The following DTNA variants were observed in gnomAD, a reference collection of about 807,000 sequenced individuals.
The protein encoded by DTNA is dystrobrevin alpha, also known as dystrophin-related protein 3.
DTNA carries 43 observed loss-of-function variants against 100.7 expected under a neutral mutation model. The observed-to-expected ratio is 0.43, with a 90% CI of 0.33 to 0.55. The LOEUF is 0.55. Ranked by LOEUF, DTNA falls within the 20% of genes least tolerant of loss-of-function variation. DTNA has a pLI of 0.04. For missense variants in DTNA, 798 were observed against 953.9 expected, an observed-to-expected ratio of 0.84 and a Z score of 2.15; for synonymous variants, 349 against 347.9, an observed-to-expected ratio of 1.00 and a Z score of -0.04.
At chr18:34,629,106 T>C (rs933984035) in intron 1 of DTNA, among the ~76,000 whole-genome samples, 18 of 152,324 alleles carry the variant, frequency 1.2e-4, no homozygotes, top group South Asian at 6.2e-4. Context: ...AGAAGAATTC[T>C]CTGCTATGTT....
At chr18:34,870,911 C>A (rs887346351) in intron 17 of DTNA, among the ~76,000 whole-genome samples, 1 of 152,160 alleles carries the variant, frequency 6.6e-6, no homozygotes, top group Non-Finnish European at 1.5e-5. Context: ...CTCTCATGTA[C>A]CCCCACAACA....
chr18:34,859,661 C>T (rs2096594278), intron 16 of DTNA, among the ~76,000 whole-genome samples: 1 of 152,134 alleles, frequency 6.6e-6, no homozygotes, highest in Non-Finnish European at 1.5e-5. Flanking sequence ...TGTGGAAAGG[C>T]GAGGTTTTCC....
At chr18:34,581,300 G>T (rs1183685104) in intron 1 of DTNA, among the ~76,000 whole-genome samples, 1 of 150,840 alleles carries the variant, frequency 6.6e-6, no homozygotes, top group African/African-American at 2.5e-5. Context: ...AAGAAACTGT[G>T]TTAATACCTG....
intron 15 of DTNA, among the ~76,000 whole-genome samples, chr18:34,856,237 T>C (rs1786607): frequency 0.18 from 27,891 of 152,088 alleles, 3,461 homozygotes; most frequent in African/African-American, 0.36. Context: ...AGCAGCCTGG[T>C]TCTCTAGACA....
chr18:34,644,244 TA>T (rs2059596270), intron 1 of DTNA, among the ~76,000 whole-genome samples: 1 of 152,104 alleles, frequency 6.6e-6, no homozygotes, highest in Admixed American at 6.6e-5. Context: ...ATAAAGGAGA[TA>T]GCCAAAAAGC....
At chr18:34,693,768 G>A (rs1396076180) in intron 1 of DTNA, among the ~76,000 whole-genome samples, 2 of 151,688 alleles carry the variant, frequency 1.3e-5, no homozygotes, top group African/African-American at 4.8e-5. Context: ...GTGTGTGTGT[G>A]TGTGTGTGTG....
intron 1 of DTNA, among the ~76,000 whole-genome samples, chr18:34,508,804 T>A (rs545305349): frequency 6.6e-5 from 10 of 152,320 alleles, no homozygotes; most frequent in African/African-American, 2.4e-4. Context: ...CACATTTTAC[T>A]GTGTATAATT....
chr18:34,524,753 A>T (rs953570354), intron 1 of DTNA, among the ~76,000 whole-genome samples: 6 of 151,514 alleles, frequency 4.0e-5, no homozygotes, highest in African/African-American at 1.2e-4. Context: ...ACACAAGAGG[A>T]TTTTTTTTTA....
chr18:34,857,250 T>A (rs1245730708), intron 15 of DTNA, among the ~76,000 whole-genome samples: 1 of 152,240 alleles, frequency 6.6e-6, no homozygotes, highest in Admixed American at 6.5e-5. Context: ...AAATGTATAA[T>A]GGCTTACTAA....
chr18:34,684,732 C>T (rs953621829), intron 1 of DTNA, among the ~76,000 whole-genome samples: 2 of 152,134 alleles, frequency 1.3e-5, no homozygotes, highest in African/African-American at 4.8e-5. Flanking sequence ...CACTGTCTTC[C>T]ACAATGGTTG....
intron 1 of DTNA, among the ~76,000 whole-genome samples, chr18:34,656,517 C>T (rs2074394927): frequency 6.6e-6 from 1 of 152,154 alleles, no homozygotes; most frequent in Non-Finnish European, 1.5e-5. Flanking sequence ...TCTGAACTTC[C>T]AGGTCACGGA....
chr18:34,857,080 A>C (rs910101548), intron 15 of DTNA, among the ~76,000 whole-genome samples: 4 of 151,936 alleles, frequency 2.6e-5, no homozygotes, highest in Admixed American at 1.3e-4. Context: ...CATTTCTTTA[A>C]CCCCAGCAGC....
intron 1 of DTNA, among the ~76,000 whole-genome samples, chr18:34,738,740 A>G (rs568303274): frequency 3.9e-5 from 6 of 152,302 alleles, no homozygotes; most frequent in Admixed American, 2.0e-4. Flanking sequence ...CTGCTTAGTC[A>G]TGCCTTTTTG....
In DTNA at chr18:34,879,676, T is replaced by C; in HGVS notation, c.2119T>C (p.Tyr707His). The change falls in exon 20 of 23, where the codon TAC becomes CAC. Residue 707 changes from tyrosine (Y) to histidine (H), a missense_variant. Transcript: ENST00000444659. ...LAQIHARKPG[Y>H]IHSGATTSTM... is the part of the protein sequence containing the mutation. ...GCAAATCCATGCCCGAAAACCTGGGTACATTCACAGTGGAGCTACCACAAG... is the reference window on the plus strand; with the variant it reads ...GCAAATCCATGCCCGAAAACCTGGGCACATTCACAGTGGAGCTACCACAAG... 6.2e-7 allele frequency: 1 copy of C among 1,614,078 alleles called. No homozygotes were observed. Among genetic ancestry groups the C allele is most frequent in the South Asian group, 1.1e-5 (1 of 91,072 alleles).
upstream of DTNA, among the ~76,000 whole-genome samples, chr18:34,710,059 C>T (rs548000558): frequency 2.6e-5 from 4 of 152,006 alleles, no homozygotes; most frequent in African/African-American, 9.7e-5. Flanking sequence ...AGTTGGGAAA[C>T]CTTTTATTCT....
At chr18:34,598,022 A>C (rs1311081269) in intron 1 of DTNA, among the ~76,000 whole-genome samples, 1 of 152,182 alleles carries the variant, frequency 6.6e-6, no homozygotes, top group African/African-American at 2.4e-5. Flanking sequence ...ATTCAGAAGA[A>C]GTTTGTTTCT....
At chr18:34,736,445 AT>A (rs1403735712) in intron 1 of DTNA, among the ~76,000 whole-genome samples, 1 of 152,176 alleles carries the variant, frequency 6.6e-6, no homozygotes, top group African/African-American at 2.4e-5. Context: ...GAATTTCATT[AT>A]TTTTCATACA....
At chr18:34,863,092 A>G (rs2096650401) in intron 16 of DTNA, among the ~76,000 whole-genome samples, 1 of 152,362 alleles carries the variant, frequency 6.6e-6, no homozygotes, top group Non-Finnish European at 1.5e-5. Flanking sequence ...GGAAAATTAT[A>G]TGTATTACTT....
intron 17 of DTNA, among the ~76,000 whole-genome samples, chr18:34,870,251 T>C (rs2150254155): frequency 6.6e-6 from 1 of 152,334 alleles, no homozygotes; most frequent in East Asian, 1.9e-4. Context: ...CCTACCCTTA[T>C]TCTCTTCTCT....
Sources: gnomAD v4.1 joint callset for allele counts (sites outside exome capture counted in the v4.1 genomes callset) on GRCh38, gnomAD v4.1.1 for gene constraint, MANE v1.5 for transcripts, NCBI Gene and HGNC (gene_info 2026-07-23, HGNC 2026-07-21) for gene names.